RBFOX1: variants seen among roughly 807,000 people sequenced by gnomAD.
RBFOX1 encodes the protein RNA binding protein fox-1 homolog 1.
RBFOX1 carries 8 observed loss-of-function variants against 57.7 expected under a neutral mutation model. The observed-to-expected ratio is 0.14, with a 90% confidence interval of 0.08 to 0.25. The LOEUF (loss-of-function observed/expected upper bound fraction) is 0.25, where lower values mean the gene tolerates loss of function less well. RBFOX1 is among the 10% of genes least tolerant of loss of function. RBFOX1 has a pLI of 1.00. For missense variants in RBFOX1, 611 were observed against 548.5 expected, an observed-to-expected ratio of 1.11 and a Z score of -1.14; for synonymous variants, 326 against 222.4, an observed-to-expected ratio of 1.47 and a Z score of -4.15.
chr16:7,461,822 C>CG, intron 4 of RBFOX1, among the ~76,000 whole-genome samples: 1 of 6,226 alleles, frequency 1.6e-4, no homozygotes, highest in Non-Finnish European at 4.8e-4. Context: ...TATCTCTTAG[C>CG]GACTTCTGGG....
intron 4 of RBFOX1, among the ~76,000 whole-genome samples, chr16:5,902,696 A>G (rs1247836137): frequency 6.6e-6 from 1 of 152,152 alleles, no homozygotes; most frequent in African/African-American, 2.4e-5. Flanking sequence ...GATTACAAGC[A>G]TGAGCCACCG....
intron 1 of RBFOX1, among the ~76,000 whole-genome samples, chr16:5,291,366 C>G (rs1443157390): frequency 1.3e-5 from 2 of 151,020 alleles, no homozygotes; most frequent in African/African-American, 4.9e-5. Context: ...GGGTTCACGC[C>G]ATTCTCCTGC....
chr16:6,392,353 T>C (rs771160090), intron 2 of RBFOX1, among the ~76,000 whole-genome samples: 21 of 152,212 alleles, frequency 1.4e-4, no homozygotes, highest in Non-Finnish European at 2.8e-4. Flanking sequence ...GTTTGTCTCC[T>C]GGACCATAGA....
At chr16:7,653,783 G>GCGCT in intron 11 of RBFOX1, 32 bp from the exon 12 acceptor site, 1 of 1,511,666 alleles carries the variant, frequency 6.6e-7, no homozygotes, top group Non-Finnish European at 9.0e-7. Flanking sequence ...GACAGCCTGT[G>GCGCT]CTCTCTCTCT....
In RBFOX1 at chr16:7,712,832, G is replaced by C. The variant is rs1023984421; in HGVS notation, c.*2087G>C. On this transcript the variant is annotated 3_prime_UTR_variant, in exon 16 of 16. Transcript: ENST00000550418. Reference sequence around the variant, plus strand: ...TAAATTTCTCCCAATTGCCGCCTCAGATTTCAAAATCCAGAATTTGTATTG... The same window carrying C: ...TAAATTTCTCCCAATTGCCGCCTCACATTTCAAAATCCAGAATTTGTATTG... 3 of 152,244 alleles carry C rather than the reference G, an allele frequency of 2.0e-5. No individual in the cohort carries two copies. The highest frequency in any genetic ancestry group is 4.4e-5 in the Non-Finnish European group (3 of 68,044). The allele number at this position is 152,244 out of a possible 1,614,324, so 9.4% of individuals were successfully genotyped here.
At chr16:6,497,370 T>A (rs977402315) in intron 2 of RBFOX1, among the ~76,000 whole-genome samples, 3 of 152,084 alleles carry the variant, frequency 2.0e-5, no homozygotes, top group African/African-American at 7.2e-5. Context: ...CCACAGACTT[T>A]CTCTAAAAGT....
chr16:7,308,833 T>C, intron 4 of RBFOX1, among the ~76,000 whole-genome samples: 1 of 152,142 alleles, frequency 6.6e-6, no homozygotes, highest in Admixed American at 6.5e-5. Flanking sequence ...TTTGGAAACA[T>C]TAGGTAGGTC....
chr16:7,335,071 T>G (rs2144648922), intron 4 of RBFOX1, among the ~76,000 whole-genome samples: 1 of 152,310 alleles, frequency 6.6e-6, no homozygotes, highest in Admixed American at 6.5e-5. Context: ...CCATGTTATT[T>G]ACCCTTTGGC....
At chr16:6,877,649 C>G (rs765090931) in intron 3 of RBFOX1, among the ~76,000 whole-genome samples, 14 of 152,142 alleles carry the variant, frequency 9.2e-5, no homozygotes, top group Non-Finnish European at 2.1e-4. Flanking sequence ...TTTTTACGGA[C>G]AAGCCCATAC....
chr16:5,776,171 C>T (rs1446028266), intron 3 of RBFOX1, among the ~76,000 whole-genome samples: 1 of 152,228 alleles, frequency 6.6e-6, no homozygotes, highest in African/African-American at 2.4e-5. Context: ...GGTTTCGTTT[C>T]ACTGTGTGAA....
At chr16:6,055,411 G>T (rs1393635167) in intron 1 of RBFOX1, among the ~76,000 whole-genome samples, 1 of 151,674 alleles carries the variant, frequency 6.6e-6, no homozygotes, top group Admixed American at 6.6e-5. Flanking sequence ...TGGCCAATAT[G>T]GTGAGACCCC....
At chr16:5,683,936 T>C (rs2050424807) in intron 3 of RBFOX1, among the ~76,000 whole-genome samples, 1 of 151,976 alleles carries the variant, frequency 6.6e-6, no homozygotes, top group Admixed American at 6.6e-5. Flanking sequence ...GTGCCTTACT[T>C]GATTTTGACA....
intron 4 of RBFOX1, among the ~76,000 whole-genome samples, chr16:7,146,083 G>A (rs142315321): frequency 1.3e-5 from 2 of 152,200 alleles, no homozygotes; most frequent in Non-Finnish European, 2.9e-5. Flanking sequence ...ATGGGGGCAA[G>A]AATGAATTTT....
intron 4 of RBFOX1, among the ~76,000 whole-genome samples, chr16:7,170,651 C>G (rs926732635): frequency 3.9e-5 from 6 of 152,132 alleles, no homozygotes; most frequent in African/African-American, 1.4e-4. Context: ...TATCTTTTAG[C>G]CCTAAGCTGT....
intron 1 of RBFOX1, among the ~76,000 whole-genome samples, chr16:5,279,513 A>G (rs1157266025): frequency 1.3e-5 from 2 of 151,612 alleles, no homozygotes; most frequent in Non-Finnish European, 2.9e-5. Flanking sequence ...TTTATTTTTT[A>G]TTTTTTGAGA....
chr16:6,525,213 A>C (rs1281397504), intron 2 of RBFOX1, among the ~76,000 whole-genome samples: 1 of 152,218 alleles, frequency 6.6e-6, no homozygotes, highest in Non-Finnish European at 1.5e-5. Flanking sequence ...GAACAATTCT[A>C]GCTTGAAGAA....
intron 2 of RBFOX1, among the ~76,000 whole-genome samples, chr16:5,561,084 T>C (rs1428255495): frequency 6.6e-6 from 1 of 152,202 alleles, no homozygotes; most frequent in Non-Finnish European, 1.5e-5. Context: ...ATTCCCTCTG[T>C]TGTGTCTTCC....
At chr16:7,641,398 G>T (rs1414724922) in intron 11 of RBFOX1, among the ~76,000 whole-genome samples, 2 of 152,110 alleles carry the variant, frequency 1.3e-5, no homozygotes, top group Admixed American at 6.6e-5. Context: ...TTATATAAAA[G>T]AACTGTCATG....
intron 3 of RBFOX1, among the ~76,000 whole-genome samples, chr16:6,681,543 C>G (rs902035417): frequency 1.3e-5 from 2 of 151,926 alleles, no homozygotes; most frequent in African/African-American, 4.8e-5. Context: ...CATCTCCAAA[C>G]TTTAGTCAGT....
Sources: gnomAD v4.1 joint callset for allele counts (sites outside exome capture counted in the v4.1 genomes callset) on GRCh38, gnomAD v4.1.1 for gene constraint, MANE v1.5 for transcripts, NCBI Gene and HGNC (gene_info 2026-07-23, HGNC 2026-07-21) for gene names.